The following AHI1 variants were observed in gnomAD, a reference collection of about 807,000 sequenced individuals.
AHI1 encodes Abelson helper integration site 1.
Under a neutral mutation model 149.3 loss-of-function variants are expected in AHI1, and 123 were observed. That is an observed-to-expected ratio of 0.82 (90% CI 0.71 to 0.96). The LOEUF (loss-of-function observed/expected upper bound fraction) is 0.96. Ranked by LOEUF, AHI1 falls within the 40% of genes least tolerant of loss-of-function variation. AHI1 has a pLI of 0.00. For missense variants in AHI1, 1,439 were observed against 1,422.7 expected, an observed-to-expected ratio of 1.01 and a Z score of -0.18; for synonymous variants, 475 against 459.8, an observed-to-expected ratio of 1.03 and a Z score of -0.42.
At chr6:135,447,608 A>C (rs1281736537) in intron 12 of AHI1, among the ~76,000 whole-genome samples, 1 of 152,224 alleles carries the variant, frequency 6.6e-6, no homozygotes, top group African/African-American at 2.4e-5. Flanking sequence ...CTGTGGTGAC[A>C]GTACATATCA....
At chr6:135,347,579 T>C (rs539088350) in intron 24 of AHI1, among the ~76,000 whole-genome samples, 4 of 152,362 alleles carry the variant, frequency 2.6e-5, no homozygotes, top group Non-Finnish European at 4.4e-5. Context: ...ATTTATCTCA[T>C]AGAATTATTA....
chr6:135,492,308 GATGT>G lies in AHI1; in HGVS notation c.-54-21_-54-18del. ...ATCAGGATCCTATCGAAACAAAGGAGATGTATTTGTAATATGGAACTTCCAAATA... is the reference window on the plus strand; with the variant it reads ...ATCAGGATCCTATCGAAACAAAGGAGATTTGTAATATGGAACTTCCAAATA... On this transcript the variant is annotated intron_variant, in intron 3 of 28. Coordinates refer to ENST00000265602, the MANE Select transcript of AHI1 (RefSeq NM_001134831.2). The G allele has an allele frequency of 6.8e-7, 1 of 1,479,886 alleles. No homozygotes were observed. Among genetic ancestry groups the G allele is most frequent in the Non-Finnish European group, 9.0e-7 (1 of 1,113,370 alleles). The allele number at this position is 1,479,886 out of a possible 1,614,324, so 91.7% of individuals were successfully genotyped here.
intron 13 of AHI1, among the ~76,000 whole-genome samples, chr6:135,444,847 T>C (rs1786913141): frequency 6.6e-6 from 1 of 152,242 alleles, no homozygotes; most frequent in Admixed American, 6.5e-5. Flanking sequence ...TGAATGAGAC[T>C]AGTAACACCT....
At chr6:135,301,864 A>T (rs1562461340) in intron 26 of AHI1, 1 of 985,372 alleles carries the variant, frequency 1.0e-6, no homozygotes, top group Non-Finnish European at 1.2e-6. Context: ...CTCATCCAAT[A>T]GAACAATAAG....
chr6:135,491,935 G>C (rs776127635), intron 4 of AHI1, among the ~76,000 whole-genome samples: 1 of 152,162 alleles, frequency 6.6e-6, no homozygotes, highest in Non-Finnish European at 1.5e-5. Context: ...TTGTGGTGGA[G>C]TAAAACATTC....
At chr6:135,290,090 C>T (rs1377209460) in intron 28 of AHI1, among the ~76,000 whole-genome samples, 9 of 152,144 alleles carry the variant, frequency 5.9e-5, no homozygotes, top group African/African-American at 1.9e-4. Context: ...TGTCATTCCC[C>T]TCTTTATAAA....
chr6:135,404,270 T>G (rs1780435747), intron 22 of AHI1, among the ~76,000 whole-genome samples: 1 of 152,188 alleles, frequency 6.6e-6, no homozygotes, highest in Non-Finnish European at 1.5e-5. Context: ...ACACATAAAA[T>G]AACCTTGCTT....
At chr6:135,308,132 A>G (rs1784737684) in intron 26 of AHI1, among the ~76,000 whole-genome samples, 1 of 152,220 alleles carries the variant, frequency 6.6e-6, no homozygotes, top group South Asian at 2.1e-4. Context: ...CTAAAGGACA[A>G]TTTATGACTA....
intron 23 of AHI1, among the ~76,000 whole-genome samples, chr6:135,393,586 T>C (rs1778820269): frequency 6.6e-6 from 1 of 152,096 alleles, no homozygotes; most frequent in Admixed American, 6.6e-5. Context: ...TAGCCCACAC[T>C]ATTACTTTAG....
chr6:135,481,256 T>C (rs961648677), intron 5 of AHI1, among the ~76,000 whole-genome samples: 1 of 152,262 alleles, frequency 6.6e-6, no homozygotes, highest in African/African-American at 2.4e-5. Context: ...CTTTTCTTTA[T>C]AAATTACGTT....
chr6:135,335,118 AT>A (rs1298824839), intron 24 of AHI1, among the ~76,000 whole-genome samples: 20 of 152,338 alleles, frequency 1.3e-4, no homozygotes, highest in Admixed American at 7.8e-4. Flanking sequence ...AACTTACGAA[AT>A]TAACCTACTC....
At chr6:135,354,030 G>A (rs112832690) in intron 24 of AHI1, among the ~76,000 whole-genome samples, 3,143 of 152,120 alleles carry the variant, frequency 0.021, 49 homozygotes, top group African/African-American at 0.033. Context: ...CATGGCAAGC[G>A]TTTCATAGTT....
At chr6:135,460,120 T>C (rs538411747) in intron 8 of AHI1, among the ~76,000 whole-genome samples, 54 of 152,230 alleles carry the variant, frequency 3.5e-4, no homozygotes, top group Admixed American at 1.4e-3. Flanking sequence ...GAAGTATAAG[T>C]TGCAGTGAGC....
intron 6 of AHI1, 70 bp downstream of exon 6, chr6:135,467,511 G>T: frequency 8.3e-7 from 1 of 1,204,344 alleles, no homozygotes; most frequent in Non-Finnish European, 1.2e-6. Flanking sequence ...ATTGCTGACT[G>T]TGTATTCCTC....
intron 22 of AHI1, among the ~76,000 whole-genome samples, chr6:135,398,823 G>A (rs1160666190): frequency 1.3e-5 from 2 of 152,112 alleles, no homozygotes; most frequent in African/African-American, 2.4e-5. Context: ...AGGGTTAGAG[G>A]AAGAGGAGCA....
chr6:135,485,154 A>G (rs1197750559), intron 5 of AHI1, among the ~76,000 whole-genome samples: 2 of 151,058 alleles, frequency 1.3e-5, no homozygotes, highest in Non-Finnish European at 2.9e-5. Flanking sequence ...GCTCACTGAA[A>G]CCTCCACCTC....
intron 23 of AHI1, among the ~76,000 whole-genome samples, chr6:135,361,645 T>TCATACACACA (rs1491096161): frequency 7.5e-6 from 1 of 133,810 alleles, no homozygotes; most frequent in African/African-American, 2.8e-5. Context: ...AGGTATGGTT[T>TCATACACACA]CACACACACA....
Position 135,486,320 on chromosome 6 carries a change from C to G in AHI1, c.135+4303G>C, listed in dbSNP as rs999469293. 2.0e-5 allele frequency among the ~76,000 whole-genome samples: 3 copies of G among 152,086 alleles called. No homozygotes were observed. In the South Asian group the frequency reaches 6.2e-4, roughly 32 times the overall value. Reference sequence around the variant, plus strand: ...TGTGGATTTAAATTTTCCTAGAACCCCACAGCATGCTCTAGGTTTGTTGCT... The same window carrying G: ...TGTGGATTTAAATTTTCCTAGAACCGCACAGCATGCTCTAGGTTTGTTGCT... On this transcript the variant is annotated intron_variant, in intron 5 of 28. Coordinates refer to ENST00000265602, the MANE Select transcript of AHI1 (RefSeq NM_001134831.2).
At chr6:135,427,371 C>G in intron 19 of AHI1, 64 bp from the exon 20 acceptor site, 2 of 1,359,042 alleles carry the variant, frequency 1.5e-6, no homozygotes, top group Non-Finnish European at 2.0e-6. Context: ...AATCTTCTCA[C>G]AAGATTATTC....
Sources: gnomAD v4.1 joint callset for allele counts (sites outside exome capture counted in the v4.1 genomes callset) on GRCh38, gnomAD v4.1.1 for gene constraint, MANE v1.5 for transcripts, NCBI Gene and HGNC (gene_info 2026-07-23, HGNC 2026-07-21) for gene names.